CTNNA3: variants seen among roughly 807,000 people sequenced by gnomAD.
CTNNA3 encodes catenin alpha 3, also known as catenin alpha-3.
In CTNNA3, 76 loss-of-function variants were observed where a neutral mutation model predicts 95.7. The ratio of observed to expected loss-of-function variants is 0.79; its 90% CI spans 0.66 to 0.96. The LOEUF is 0.96. Ranked by LOEUF, CTNNA3 falls within the 40% of genes least tolerant of loss-of-function variation. The pLI, the probability that CTNNA3 is intolerant of heterozygous loss-of-function variation, is 0.00. For synonymous variants in CTNNA3, 431 were observed against 374.4 expected (o/e 1.15, Z -1.74); for missense variants, 1,191 against 1,089.8 (o/e 1.09, Z -1.31).
At chr10:66,433,466 T>C (rs1368005660) in intron 11 of CTNNA3, among the ~76,000 whole-genome samples, 1 of 152,226 alleles carries the variant, frequency 6.6e-6, no homozygotes, top group East Asian at 1.9e-4. Context: ...TGTCTGTTCA[T>C]ATCCTTTGCC....
At chr10:67,619,035 T>C (rs1031913497) in intron 2 of CTNNA3, among the ~76,000 whole-genome samples, 30 of 152,196 alleles carry the variant, frequency 2.0e-4, no homozygotes, top group African/African-American at 6.5e-4. Flanking sequence ...ATGGATATTT[T>C]GTCAATATTG....
chr10:67,124,375 G>GTGTGT lies in CTNNA3; in HGVS notation c.1047+55941_1047+55942insACACA, dbSNP rs1564907325. On this transcript the variant is annotated intron_variant, in intron 7 of 17. Coordinates refer to ENST00000433211, the MANE Select transcript of CTNNA3 (RefSeq NM_013266.4). ...GTGTGTGTGTGTGTGTGTGTGTGTG[G>GTGTGT]TCTATAAATGACTGTGGAAGGTTCT... Among the ~76,000 whole-genome samples, 362 of 122,872 alleles carry GTGTGT rather than the reference G, an allele frequency of 2.9e-3. 1 individual carries two copies. Among genetic ancestry groups the GTGTGT allele is most frequent in the African/African-American group, 0.01 (328 of 32,646 alleles). 80.6% of individuals were successfully genotyped at this position (122,872 alleles called of 152,430 possible).
At chr10:66,138,209 C>T (rs899490677) in intron 13 of CTNNA3, among the ~76,000 whole-genome samples, 1 of 152,062 alleles carries the variant, frequency 6.6e-6, no homozygotes, top group Non-Finnish European at 1.5e-5. Flanking sequence ...GAAACTTTCT[C>T]CTTGAATCCA....
At chr10:66,926,049 G>A in intron 7 of CTNNA3, 1 of 457,104 alleles carries the variant, frequency 2.2e-6, no homozygotes, top group Non-Finnish European at 4.4e-6. Flanking sequence ...AGTCCGAGCA[G>A]CTTTCAGAAT....
At chr10:67,300,060 T>A (rs1297118774) in intron 5 of CTNNA3, among the ~76,000 whole-genome samples, 1 of 152,156 alleles carries the variant, frequency 6.6e-6, no homozygotes, top group East Asian at 1.9e-4. Flanking sequence ...GAAATAAAAA[T>A]TTTTAGACTC....
chr10:66,967,115 T>C (rs964589019), intron 7 of CTNNA3, among the ~76,000 whole-genome samples: 11 of 152,092 alleles, frequency 7.2e-5, no homozygotes, highest in Admixed American at 7.2e-4. Context: ...TTGATGGTTC[T>C]GCTAATGAAA....
chr10:66,353,001 T>C (rs918451144), intron 12 of CTNNA3, among the ~76,000 whole-genome samples: 1 of 152,100 alleles, frequency 6.6e-6, no homozygotes, highest in Non-Finnish European at 1.5e-5. Context: ...AAATGGGTGA[T>C]TATTTTATTA....
chr10:67,481,827 C>T (rs1180985650), intron 5 of CTNNA3, among the ~76,000 whole-genome samples: 2 of 152,066 alleles, frequency 1.3e-5, no homozygotes, highest in Non-Finnish European at 2.9e-5. Context: ...CTTGCCCATG[C>T]CTATGTCCTG....
At chr10:66,080,273 C>A (rs1428532395) in intron 14 of CTNNA3, among the ~76,000 whole-genome samples, 2 of 152,002 alleles carry the variant, frequency 1.3e-5, no homozygotes, top group Non-Finnish European at 2.9e-5. Flanking sequence ...TCCCTTCTTA[C>A]TCCATTATAG....
At chr10:66,159,672 A>G (rs1441409871) in intron 13 of CTNNA3, among the ~76,000 whole-genome samples, 1 of 105,564 alleles carries the variant, frequency 9.5e-6, no homozygotes, top group East Asian at 2.8e-4. Flanking sequence ...TTTTGGTATT[A>G]GCATGATGCT....
rs150378987 is a variant in CTNNA3, at chr10:67,112,979, T to C, written c.1047+67338A>G. On this transcript the variant is annotated intron_variant, in intron 7 of 17. Transcript: ENST00000433211. ...TCATCCCCAGTGAGTACTAGAGGCC[T>C]GTAACACAACCTGTCTTCTCTATAC... Among the ~76,000 whole-genome samples, 13 of 152,276 alleles carry C rather than the reference T, an allele frequency of 8.5e-5. No homozygotes were observed. In the East Asian group the frequency reaches 2.5e-3, roughly 29 times the overall value.
At chr10:65,975,400 A>G (rs988695275) in intron 16 of CTNNA3, among the ~76,000 whole-genome samples, 31 of 152,250 alleles carry the variant, frequency 2.0e-4, no homozygotes, top group African/African-American at 5.8e-4. Context: ...AGAAAAAGAA[A>G]GAGGGAAAGG....
chr10:67,613,513 C>G (rs1193905799), intron 2 of CTNNA3, among the ~76,000 whole-genome samples: 3 of 152,176 alleles, frequency 2.0e-5, no homozygotes, highest in Non-Finnish European at 4.4e-5. Context: ...TAGCAGCTTT[C>G]ATTAAAAGGA....
intron 5 of CTNNA3, among the ~76,000 whole-genome samples, chr10:67,326,891 C>A (rs1201623092): frequency 6.6e-6 from 1 of 152,128 alleles, no homozygotes; most frequent in Non-Finnish European, 1.5e-5. Context: ...TTTACATAAT[C>A]CCATATTTCT....
chr10:66,731,798 G>T (rs1194153373), intron 9 of CTNNA3, among the ~76,000 whole-genome samples: 1 of 152,090 alleles, frequency 6.6e-6, no homozygotes, highest in Non-Finnish European at 1.5e-5. Flanking sequence ...GGTTTATTGA[G>T]GTTAATTTAT....
chr10:66,099,118 C>A (rs1202122411), intron 14 of CTNNA3, among the ~76,000 whole-genome samples: 1 of 152,186 alleles, frequency 6.6e-6, no homozygotes, highest in Non-Finnish European at 1.5e-5. Context: ...TGCAATACAG[C>A]AGAGTCTGCA....
chr10:67,659,067 T>C (rs866069805), intron 1 of CTNNA3, among the ~76,000 whole-genome samples: 1 of 151,948 alleles, frequency 6.6e-6, no homozygotes. Flanking sequence ...AAATTAAACA[T>C]GTTTCCTCAC....
chr10:67,284,473 T>C (rs191018183), intron 5 of CTNNA3, among the ~76,000 whole-genome samples: 4 of 152,334 alleles, frequency 2.6e-5, no homozygotes, highest in Admixed American at 2.6e-4. Context: ...ACTAATTCCA[T>C]GGTAGTTCAC....
intron 11 of CTNNA3, among the ~76,000 whole-genome samples, chr10:66,386,949 G>C (rs1313826021): frequency 6.6e-6 from 1 of 152,116 alleles, no homozygotes; most frequent in Admixed American, 6.6e-5. Flanking sequence ...ATTAATTCAA[G>C]ATGGATTAAA....
Sources: allele counts gnomAD v4.1 joint callset (sites outside exome capture counted in the v4.1 genomes callset), GRCh38; gene constraint gnomAD v4.1.1; transcripts MANE v1.5; gene names NCBI Gene and HGNC (gene_info 2026-07-23, HGNC 2026-07-21).